Variants in ST8SIA1 observed in about 807,000 individuals in gnomAD.
ST8SIA1 encodes the protein ST8 alpha-N-acetyl-neuraminide alpha-2,8-sialyltransferase 1.
A neutral mutation model predicts 35.9 loss-of-function variants in ST8SIA1; 16 were observed. The ratio of observed to expected loss-of-function variants is 0.45; its 90% CI spans 0.30 to 0.68. The LOEUF (loss-of-function observed/expected upper bound fraction) is 0.68, where lower values mean the gene tolerates loss of function less well. Ranked by LOEUF, ST8SIA1 falls within the 30% of genes least tolerant of loss-of-function variation. ST8SIA1 has a pLI of 0.09. For synonymous variants in ST8SIA1, 170 were observed against 169.6 expected (o/e 1.00, Z -0.02); for missense variants, 383 against 453.6 (o/e 0.84, Z 1.41).
At chr12:22,239,383 G>T (rs1237061550) in intron 4 of ST8SIA1, among the ~76,000 whole-genome samples, 4 of 151,846 alleles carry the variant, frequency 2.6e-5, no homozygotes, top group African/African-American at 9.7e-5. Flanking sequence ...ATTTTCTATA[G>T]CCTCATTATC....
chr12:22,329,273 T>A (rs372680826), intron 1 of ST8SIA1, among the ~76,000 whole-genome samples: 2 of 152,164 alleles, frequency 1.3e-5, no homozygotes, highest in Non-Finnish European at 2.9e-5. Context: ...ATTTTGTTCA[T>A]GGATCTGTCT....
At chr12:22,229,615 CAAAAAAA>C (rs11290260) in intron 4 of ST8SIA1, among the ~76,000 whole-genome samples, 3 of 93,744 alleles carry the variant, frequency 3.2e-5, no homozygotes, top group South Asian at 3.4e-4. Context: ...GACCGGGTTT[CAAAAAAA>C]AAAAAAAAAA....
intron 4 of ST8SIA1, among the ~76,000 whole-genome samples, chr12:22,219,253 T>C (rs1439928685): frequency 6.6e-6 from 1 of 152,240 alleles, no homozygotes; most frequent in African/African-American, 2.4e-5. Flanking sequence ...CACTGTGTTT[T>C]AATTTTATTA....
intron 3 of ST8SIA1, among the ~76,000 whole-genome samples, chr12:22,252,369 A>C (rs550013104): frequency 6.6e-6 from 1 of 152,322 alleles, no homozygotes; most frequent in East Asian, 1.9e-4. Context: ...TAATATCTCG[A>C]TACATTAAGC....
At chr12:22,209,281 C>T (rs1865149787) in intron 4 of ST8SIA1, among the ~76,000 whole-genome samples, 1 of 151,942 alleles carries the variant, frequency 6.6e-6, no homozygotes, top group African/African-American at 2.4e-5. Flanking sequence ...GTATCCAGAA[C>T]ACAAACAATA....
At chr12:22,271,492 C>T (rs1465435972) in intron 2 of ST8SIA1, among the ~76,000 whole-genome samples, 1 of 152,144 alleles carries the variant, frequency 6.6e-6, no homozygotes, top group Non-Finnish European at 1.5e-5. Flanking sequence ...CTGCCACTTC[C>T]AATGTACTTT....
intron 1 of ST8SIA1, among the ~76,000 whole-genome samples, chr12:22,289,560 G>A (rs1866149809): frequency 1.3e-5 from 2 of 152,206 alleles, no homozygotes; most frequent in South Asian, 4.1e-4. Flanking sequence ...AATTCTCACA[G>A]TAACCCATGA....
intron 3 of ST8SIA1, 127 bp from the exon 4 acceptor site, chr12:22,249,225 T>C (rs1410033735): frequency 1.5e-6 from 1 of 658,786 alleles, no homozygotes; most frequent in South Asian, 2.0e-5. Context: ...TTTTTGTTTT[T>C]TTTTTTTTTT....
chr12:22,222,617 T>C (rs999036726), intron 4 of ST8SIA1, among the ~76,000 whole-genome samples: 1 of 151,890 alleles, frequency 6.6e-6, no homozygotes, highest in Non-Finnish European at 1.5e-5. Context: ...AAAGACCATA[T>C]ATATATATAT....
intron 1 of ST8SIA1, among the ~76,000 whole-genome samples, chr12:22,313,496 C>A (rs1866478996): frequency 6.6e-6 from 1 of 152,058 alleles, no homozygotes; most frequent in African/African-American, 2.4e-5. Context: ...CAAATACACT[C>A]AAAATGAGAA....
At chr12:22,294,385 G>C (rs1415930823) in intron 1 of ST8SIA1, among the ~76,000 whole-genome samples, 1 of 152,200 alleles carries the variant, frequency 6.6e-6, no homozygotes, top group African/African-American at 2.4e-5. Flanking sequence ...ATATAGAGCA[G>C]AGATTTGTAT....
At chr12:22,316,342 T>C (rs1243390535) in intron 1 of ST8SIA1, among the ~76,000 whole-genome samples, 2 of 152,168 alleles carry the variant, frequency 1.3e-5, no homozygotes, top group African/African-American at 4.8e-5. Flanking sequence ...ACTTCTGAAA[T>C]AGACCCACAC....
At chr12:22,297,830 T>C (rs1296416759) in intron 1 of ST8SIA1, among the ~76,000 whole-genome samples, 3 of 152,128 alleles carry the variant, frequency 2.0e-5, no homozygotes, top group Non-Finnish European at 2.9e-5. Flanking sequence ...TGTCTTTTTG[T>C]ATGCTAATGA....
intron 2 of ST8SIA1, among the ~76,000 whole-genome samples, chr12:22,285,173 A>C (rs560515680): frequency 1.3e-5 from 2 of 152,334 alleles, no homozygotes; most frequent in East Asian, 3.9e-4. Context: ...GATGCAAATC[A>C]TTTCTCCATT....
chr12:22,196,469 A>G lies in ST8SIA1; in HGVS notation c.*5083T>C, dbSNP rs1864989807. The G allele has an allele frequency of 6.6e-6, 1 of 152,222 alleles. No homozygotes were observed. Among genetic ancestry groups the G allele is most frequent in the African/African-American group, 2.4e-5 (1 of 41,456 alleles). The allele number at this position is 152,222 out of a possible 1,614,324, so 9.4% of individuals were successfully genotyped here. A position where few individuals can be genotyped will look rare whatever the true frequency, so the allele number is the denominator to read the frequency against. On this transcript the variant is annotated 3_prime_UTR_variant, in exon 5 of 5. Coordinates refer to ENST00000396037, the MANE Select transcript of ST8SIA1 (RefSeq NM_003034.4). ...ATCCATTTTCTTATGATAGAAGGGAAAAAAAGCTACAGCAATTATAGATTC... is the reference window on the plus strand; with the variant it reads ...ATCCATTTTCTTATGATAGAAGGGAGAAAAAGCTACAGCAATTATAGATTC...
In ST8SIA1 at chr12:22,333,991, G is replaced by C. The variant is rs745766127; in HGVS notation, c.236+6C>G. The C allele has an allele frequency of 6.2e-7, 1 of 1,612,962 alleles. No homozygotes were observed. Among genetic ancestry groups the C allele is most frequent in the Non-Finnish European group, 8.5e-7 (1 of 1,179,286 alleles). The stretch of plus-strand genomic sequence containing the variant: ...TAGAGGGGAGGAGCCGCGAGGGCAG[G>C]AGTACCTGAACGCTCTGGCCGCGGT... On this transcript the variant is annotated splice_donor_region_variant and intron_variant, in intron 1 of 4. Transcript: ENST00000396037.
In ST8SIA1 at chr12:22,197,409, C is replaced by T. The variant is rs914714268; in HGVS notation, c.*4143G>A. On this transcript the variant is annotated 3_prime_UTR_variant, in exon 5 of 5. Coordinates refer to ENST00000396037, the MANE Select transcript of ST8SIA1 (RefSeq NM_003034.4). ...AGTGGACTGGTAACATTCCCCTCCCCCTTAGGTCCCTCCTAACAAGTATTT... is the reference window on the plus strand; with the variant it reads ...AGTGGACTGGTAACATTCCCCTCCCTCTTAGGTCCCTCCTAACAAGTATTT... 6.6e-6 allele frequency: 1 copy of T among 152,152 alleles called. No homozygotes were observed. The highest frequency in any genetic ancestry group is 1.5e-5 in the Non-Finnish European group (1 of 68,032). The allele number at this position is 152,152 out of a possible 1,614,324, so 9.4% of individuals were successfully genotyped here.
At chr12:22,326,518 G>A (rs539038971) in intron 1 of ST8SIA1, among the ~76,000 whole-genome samples, 2 of 152,180 alleles carry the variant, frequency 1.3e-5, no homozygotes, top group South Asian at 2.1e-4. Flanking sequence ...TGCCACCTGC[G>A]GCTAAGGCTC....
chr12:22,317,521 G>C (rs1438903262), intron 1 of ST8SIA1, among the ~76,000 whole-genome samples: 1 of 152,212 alleles, frequency 6.6e-6, no homozygotes, highest in African/African-American at 2.4e-5. Flanking sequence ...TTACGTGGTT[G>C]TTGGTGGCCT....
Sources: allele counts gnomAD v4.1 joint callset (sites outside exome capture counted in the v4.1 genomes callset), GRCh38; gene constraint gnomAD v4.1.1; transcripts MANE v1.5; gene names NCBI Gene and HGNC (gene_info 2026-07-23, HGNC 2026-07-21).